The following FMN2 variants were observed in gnomAD, a reference collection of about 807,000 sequenced individuals.
FMN2 encodes formin-2.
Under a neutral mutation model 142.3 loss-of-function variants are expected in FMN2, and 51 were observed. The ratio of observed to expected loss-of-function variants is 0.36; its 90% CI spans 0.29 to 0.45. The LOEUF is 0.45. Ranked by LOEUF, FMN2 falls within the 20% of genes least tolerant of loss-of-function variation. The pLI, the probability that FMN2 is intolerant of heterozygous loss-of-function variation, is 1.00. For synonymous variants in FMN2, 882 were observed against 869.8 expected (o/e 1.01, Z -0.25); for missense variants, 1,936 against 2,122.8 (o/e 0.91, Z 1.73).
chr1:240,304,076 A>G (rs1014664475), intron 8 of FMN2, among the ~76,000 whole-genome samples: 1 of 151,824 alleles, frequency 6.6e-6, no homozygotes, highest in East Asian at 1.9e-4. Context: ...TTGTCTGTAC[A>G]TTGTTTTCTT....
intron 2 of FMN2, chr1:240,143,120 G>A (rs1034902447): frequency 6.4e-7 from 1 of 1,553,878 alleles, no homozygotes; most frequent in Non-Finnish European, 8.9e-7. Flanking sequence ...CCATGAAGAG[G>A]TCGTTGGGGT....
intron 14 of FMN2, among the ~76,000 whole-genome samples, chr1:240,357,664 G>T (rs1204587499): frequency 6.8e-6 from 1 of 147,678 alleles, no homozygotes; most frequent in Non-Finnish European, 1.5e-5. Context: ...CTGATGTCCA[G>T]TGGTGTGATC....
intron 2 of FMN2, among the ~76,000 whole-genome samples, chr1:240,146,415 T>C (rs1483373992): frequency 1.7e-5 from 2 of 116,820 alleles, no homozygotes; most frequent in African/African-American, 7.1e-5. Context: ...AAAAAAAAAA[T>C]AGTATGGCCA....
chr1:240,143,382 T>A, intron 2 of FMN2: 1 of 1,433,226 alleles, frequency 7.0e-7, no homozygotes, highest in Non-Finnish European at 9.8e-7. Flanking sequence ...GTGCCGTCTC[T>A]GCACCAATCT....
intron 6 of FMN2, among the ~76,000 whole-genome samples, chr1:240,248,634 C>T (rs1438754764): frequency 6.6e-6 from 1 of 151,798 alleles, no homozygotes; most frequent in Non-Finnish European, 1.5e-5. Context: ...ATTGCTGGAT[C>T]ACATGGTAGT....
At chr1:240,465,269 C>T (rs957775504) in intron 16 of FMN2, among the ~76,000 whole-genome samples, 1 of 148,596 alleles carries the variant, frequency 6.7e-6, no homozygotes, top group African/African-American at 2.5e-5. Context: ...TCTAACCAGC[C>T]TTTGTCTAGA....
intron 2 of FMN2, among the ~76,000 whole-genome samples, chr1:240,159,675 T>C (rs920101550): frequency 9.2e-5 from 14 of 151,970 alleles, no homozygotes; most frequent in African/African-American, 3.1e-4. Flanking sequence ...GAGAACCTAT[T>C]CTATTTAACC....
At chr1:240,352,664 A>G (rs540705996) in intron 13 of FMN2, among the ~76,000 whole-genome samples, 2 of 152,310 alleles carry the variant, frequency 1.3e-5, no homozygotes, top group African/African-American at 4.8e-5. Flanking sequence ...ACCCACTGAA[A>G]TGATAAGGGC....
At chr1:240,443,023 A>G (rs926497380) in intron 16 of FMN2, among the ~76,000 whole-genome samples, 1 of 152,232 alleles carries the variant, frequency 6.6e-6, no homozygotes, top group African/African-American at 2.4e-5. Flanking sequence ...CTGAATGCCT[A>G]TACTGTTTTT....
At position 240,093,020 on chromosome 1, in the gene FMN2, C is replaced by A. The variant is rs1040050645; in HGVS notation, c.911C>A (p.Ala304Glu). The change falls in exon 1 of 18, where the codon GCG becomes GAG. Residue 304 changes from alanine to glutamate, a missense_variant. Around this residue, in one of 8 missense-constraint regions of FMN2, gnomAD observed 751 missense variants for 791.8 expected, o/e 0.95. Transcript: ENST00000319653. Reference protein sequence around the residue: ...PSPGGLPVSEAPSLPAAQPAA... With the variant: ...PSPGGLPVSEEPSLPAAQPAA... ...CCCGGCGGCCTCCCGGTCTCCGAGG[C>A]GCCCAGTCTCCCGGCAGCGCAACCC... is the stretch of plus-strand genomic sequence containing the variant. 6 of 1,395,752 alleles carry A rather than the reference C, an allele frequency of 4.3e-6. No individual in the cohort carries two copies. The highest frequency in any genetic ancestry group is 1.6e-5 in the South Asian group (1 of 62,676). The allele number at this position is 1,395,752 out of a possible 1,614,324, so 86.5% of individuals were successfully genotyped here.
intron 14 of FMN2, among the ~76,000 whole-genome samples, chr1:240,361,792 G>T (rs181329853): frequency 2.6e-5 from 4 of 152,342 alleles, no homozygotes; most frequent in Non-Finnish European, 5.9e-5. Context: ...GGTGATTCTT[G>T]CATGGATGTG....
chr1:240,295,014 T>A, intron 8 of FMN2, 131 bp downstream of exon 8: 1 of 681,608 alleles, frequency 1.5e-6, no homozygotes, highest in Non-Finnish European at 2.4e-6. Context: ...TTTGCCTAAG[T>A]AGGTGTTTGT....
At chr1:240,447,814 C>T (rs1435830258) in intron 16 of FMN2, among the ~76,000 whole-genome samples, 2 of 152,064 alleles carry the variant, frequency 1.3e-5, no homozygotes, top group East Asian at 3.9e-4. Flanking sequence ...CAAACCTACG[C>T]ATCTACTCAA....
In FMN2 at chr1:240,327,987, A is replaced by C. The variant is rs148894612; in HGVS notation, c.4216-1089A>C. ...CATGGTGAAACCCTGTCTCTACTAA[A>C]AATACAAAAAATGAGCCAGGCGTGG... On this transcript the variant is annotated intron_variant, in intron 8 of 17. Transcript: ENST00000319653. 5.4e-3 allele frequency among the ~76,000 whole-genome samples: 825 copies of C among 151,860 alleles called. 9 individuals are homozygous for C. The highest frequency in any genetic ancestry group is 0.019 in the African/African-American group (775 of 41,426).
chr1:240,222,349 A>T lies in FMN2; in HGVS notation c.4065+11114A>T, dbSNP rs540943596. Among the ~76,000 whole-genome samples, 412 of 152,100 alleles carry T rather than the reference A, an allele frequency of 2.7e-3. 3 individuals carry two copies. In the South Asian group the frequency reaches 0.027, roughly 10 times the overall value. ...CCTCTGCTCTGTTCCATTGGTCTATATATCTGTTTTGGTACCAGTACCATG... is the reference window on the plus strand; with the variant it reads ...CCTCTGCTCTGTTCCATTGGTCTATTTATCTGTTTTGGTACCAGTACCATG... On this transcript the variant is annotated intron_variant, in intron 6 of 17. Transcript: ENST00000319653.
intron 14 of FMN2, among the ~76,000 whole-genome samples, chr1:240,378,254 G>T (rs570497985): frequency 6.6e-6 from 1 of 151,874 alleles, no homozygotes. Context: ...AAGAACAAAC[G>T]ATTCTCCTGC....
At chr1:240,123,412 A>G in intron 2 of FMN2, 67 bp downstream of exon 2, 2 of 1,502,286 alleles carry the variant, frequency 1.3e-6, no homozygotes, top group South Asian at 1.3e-5. Context: ...TACGATGTGT[A>G]TCTGCCCAGT....
intron 16 of FMN2, 60 bp downstream of exon 16, chr1:240,438,270 C>T: frequency 1.3e-6 from 2 of 1,532,990 alleles, no homozygotes; most frequent in Non-Finnish European, 1.8e-6. Context: ...GGTGTGGCAC[C>T]ACTGGGTTGC....
chr1:240,447,010 A>G (rs1675841205), intron 16 of FMN2, among the ~76,000 whole-genome samples: 1 of 152,220 alleles, frequency 6.6e-6, no homozygotes, highest in African/African-American at 2.4e-5. Flanking sequence ...TGGATAATCA[A>G]AGACTATTCC....
Sources: gnomAD v4.1 joint callset for allele counts (sites outside exome capture counted in the v4.1 genomes callset) on GRCh38, gnomAD v4.1.1 for gene constraint, gnomAD v4.1.1 regional missense constraint, MANE v1.5 for transcripts, NCBI Gene and HGNC (gene_info 2026-07-23, HGNC 2026-07-21) for gene names.